The following CSPP1 variants were observed in gnomAD, a reference collection of about 807,000 sequenced individuals.
CSPP1 encodes centrosome and spindle pole associated protein 1, also known as centrosome and spindle pole-associated protein 1.
Under a neutral mutation model 164.4 loss-of-function variants are expected in CSPP1, and 126 were observed. That is an observed-to-expected ratio of 0.77 (90% CI 0.66 to 0.89). The LOEUF is 0.89. CSPP1 is among the 40% of genes least tolerant of loss of function. CSPP1 has a pLI of 0.00. For synonymous variants in CSPP1, 472 were observed against 476.7 expected (o/e 0.99, Z 0.13); for missense variants, 1,395 against 1,449.8 (o/e 0.96, Z 0.61).
At chr8:67,089,439 T>A (rs1186363295) in intron 4 of CSPP1, among the ~76,000 whole-genome samples, 3 of 152,224 alleles carry the variant, frequency 2.0e-5, no homozygotes, top group Non-Finnish European at 4.4e-5. Context: ...CCTGATATCT[T>A]ATGTAGACCA....
intron 1 of CSPP1, chr8:67,068,982 A>G (rs1806153338): frequency 6.6e-6 from 1 of 152,204 alleles, no homozygotes; most frequent in Non-Finnish European, 1.5e-5. Flanking sequence ...GAGTGGTACC[A>G]TCATAGAATT....
chr8:67,159,848 TTCTTTTTCTTTC>T lies in CSPP1; in HGVS notation c.2538+713_2538+724del, dbSNP rs1172446300. Among the ~76,000 whole-genome samples the T allele has an allele frequency of 6.1e-3, 709 of 116,780 alleles. 3 individuals carry two copies. The highest frequency in any genetic ancestry group is 8.6e-3 in the Non-Finnish European group (520 of 60,726). The allele number at this position is 116,780 out of a possible 152,430, so 76.6% of individuals were successfully genotyped here. Reference sequence around the variant, plus strand: ...TCTCTCTCTTTCTTTCTTTCTTTCTTTCTTTTTCTTTCTTTCTTTCTTTCTTTCTTTCTTTCT... The same window carrying T: ...TCTCTCTCTTTCTTTCTTTCTTTCTTTTTCTTTCTTTCTTTCTTTCTTTCT... On this transcript the variant is annotated intron_variant, in intron 21 of 30. Coordinates refer to ENST00000678616, the MANE Select transcript of CSPP1 (RefSeq NM_001382391.1).
intron 4 of CSPP1, among the ~76,000 whole-genome samples, chr8:67,086,562 A>T (rs1810443483): frequency 6.6e-6 from 1 of 152,124 alleles, no homozygotes. Flanking sequence ...TTATGATCTC[A>T]TGTTTTACTT....
At position 67,112,008 on chromosome 8, in the gene CSPP1, A is replaced by G. The variant is rs1243266286; in HGVS notation, c.1130A>G (p.Glu377Gly). ...CGAGAACTTATTCAGAGAAGGAAAG[A>G]GAAATACAGACTAGAACTGTTGGAA... ...EDRELIQRRK[E>G]KYRLELLEQM... The change falls in exon 10 of 31, where the codon GAG (glutamate) becomes GGG (glycine). Residue 377 changes from glutamate to glycine, a missense_variant. Physicochemically the swap from Glu to Gly is moderately conservative, Grantham distance 98. Coordinates refer to ENST00000678616, the MANE Select transcript of CSPP1 (RefSeq NM_001382391.1). 1 of 1,612,292 alleles carries G rather than the reference A, an allele frequency of 6.2e-7. No homozygotes were observed. The highest frequency in any genetic ancestry group is 1.7e-5 in the Admixed American group (1 of 59,782).
chr8:67,112,728 G>T (rs540827387), intron 10 of CSPP1, among the ~76,000 whole-genome samples: 1 of 152,176 alleles, frequency 6.6e-6, no homozygotes, highest in East Asian at 1.9e-4. Flanking sequence ...CCCTGCTCCA[G>T]TAGATCCAGC....
chr8:67,172,794 G>A, intron 25 of CSPP1: 1 of 382,852 alleles, frequency 2.6e-6, no homozygotes, highest in Non-Finnish European at 4.7e-6. Context: ...AGTCTGGAAT[G>A]GATGAGATCG....
Position 67,193,451 on chromosome 8 carries a change from T to A in CSPP1, c.3331-13T>A. The A allele has an allele frequency of 6.2e-7, 1 of 1,607,370 alleles. No homozygotes were observed. Among genetic ancestry groups the A allele is most frequent in the Non-Finnish European group, 8.5e-7 (1 of 1,175,486 alleles). On this transcript the variant is annotated splice_polypyrimidine_tract_variant and intron_variant, in intron 29 of 30. Coordinates refer to ENST00000678616, the MANE Select transcript of CSPP1 (RefSeq NM_001382391.1). ...TGTTAATGACTTTCTGAAGTTCTGTTTTCTAACTACAGGATAGCAGTCGTC... is the reference window on the plus strand; with the variant it reads ...TGTTAATGACTTTCTGAAGTTCTGTATTCTAACTACAGGATAGCAGTCGTC...
chr8:67,176,913 A>G (rs550137330), intron 26 of CSPP1, among the ~76,000 whole-genome samples: 1 of 152,184 alleles, frequency 6.6e-6, no homozygotes, highest in South Asian at 2.1e-4. Context: ...TCTACTAAAA[A>G]TACAGAAATT....
intron 5 of CSPP1, 25 bp from the exon 6 acceptor site, chr8:67,093,518 A>C (rs367686664): frequency 2.7e-6 from 4 of 1,458,904 alleles, no homozygotes; most frequent in Non-Finnish European, 2.9e-6. Context: ...GAATTTTAAC[A>C]TTGCCTTTTG....
chr8:67,086,713 G>A (rs1810462067), intron 4 of CSPP1: 10 of 468,298 alleles, frequency 2.1e-5, no homozygotes, highest in South Asian at 1.8e-4. Flanking sequence ...GTTTTTTACT[G>A]CTTTATGTTT....
At chr8:67,121,144 C>T (rs969170165) in intron 15 of CSPP1, among the ~76,000 whole-genome samples, 6 of 152,084 alleles carry the variant, frequency 3.9e-5, no homozygotes, top group East Asian at 1.9e-4. Flanking sequence ...TGAGCCACTG[C>T]GCCTGGCCCC....
chr8:67,186,546 T>C (rs1834659546), intron 28 of CSPP1, among the ~76,000 whole-genome samples: 1 of 152,174 alleles, frequency 6.6e-6, no homozygotes, highest in African/African-American at 2.4e-5. Flanking sequence ...TTCTGCAACT[T>C]GATAAAGAAC....
intron 16 of CSPP1, 126 bp from the exon 17 acceptor site, chr8:67,137,330 G>T: frequency 1.6e-6 from 1 of 641,242 alleles, no homozygotes; most frequent in Non-Finnish European, 2.5e-6. Context: ...GGGGTACACT[G>T]GGGAAAAAAA....
Position 67,095,291 on chromosome 8 carries a change from A to G in CSPP1, c.484-2A>G, listed in dbSNP as rs1563539138. 2.0e-6 allele frequency: 3 copies of G among 1,527,200 alleles called. No homozygotes were observed. The highest frequency in any genetic ancestry group is 2.6e-6 in the Non-Finnish European group (3 of 1,141,932). The allele number at this position is 1,527,200 out of a possible 1,614,324, so 94.6% of individuals were successfully genotyped here. ...TTTCTTTTTTCTTTTTTAATTGAAC[A>G]GCCCAAGAGTCAGAGAAATAAAAAA... On this transcript the variant is annotated splice_acceptor_variant, in intron 6 of 30. Transcript: ENST00000678616. LOFTEE classifies it high-confidence loss of function.
Position 67,112,037 on chromosome 8 carries a change from A to G in CSPP1, c.1159A>G (p.Met387Val), listed in dbSNP as rs1816956939. 6.2e-7 allele frequency: 1 copy of G among 1,611,950 alleles called. No individual in the cohort carries two copies. The highest frequency in any genetic ancestry group is 1.1e-5 in the South Asian group (1 of 90,886). The part of the protein sequence containing the change: ...EKYRLELLEQ[M>V]AEQQRNKRRE... ...ATACAGACTAGAACTGTTGGAACAA[A>G]TGGCTGAGCAACAGAGGAACAAGAG... The change falls in exon 10 of 31, where the codon ATG (methionine) becomes GTG (valine). Residue 387 changes from methionine to valine, a missense_variant. Transcript: ENST00000678616.
At chr8:67,071,618 CAA>C (rs1442823916) in intron 1 of CSPP1, among the ~76,000 whole-genome samples, 1 of 152,144 alleles carries the variant, frequency 6.6e-6, no homozygotes, top group Non-Finnish European at 1.5e-5. Flanking sequence ...ATATGTAAAC[CAA>C]ACCTTTCTAA....
intron 18 of CSPP1, among the ~76,000 whole-genome samples, chr8:67,151,582 C>T (rs1354106349): frequency 6.6e-6 from 1 of 152,118 alleles, no homozygotes; most frequent in Non-Finnish European, 1.5e-5. Context: ...CAACAGTTCC[C>T]ATGATCCCTT....
chr8:67,193,059 T>C (rs1036029406), intron 29 of CSPP1, among the ~76,000 whole-genome samples: 4 of 152,236 alleles, frequency 2.6e-5, no homozygotes, highest in Non-Finnish European at 5.9e-5. Flanking sequence ...CTCTATATTT[T>C]CATGTTTTAT....
intron 10 of CSPP1, among the ~76,000 whole-genome samples, chr8:67,113,163 T>G (rs1227718095): frequency 6.6e-6 from 1 of 152,236 alleles, no homozygotes; most frequent in South Asian, 2.1e-4. Context: ...GAGAATTGCT[T>G]GAACCTGGGA....
Sources: gnomAD v4.1 joint callset for allele counts (sites outside exome capture counted in the v4.1 genomes callset) on GRCh38, gnomAD v4.1.1 for gene constraint, MANE v1.5 for transcripts, NCBI Gene and HGNC (gene_info 2026-07-23, HGNC 2026-07-21) for gene names.